The following CUX1 variants were observed in gnomAD, a reference collection of about 807,000 sequenced individuals.
CUX1 encodes protein CASP.
Under a neutral mutation model 158.8 loss-of-function variants are expected in CUX1, and 31 were observed. The observed-to-expected ratio is 0.20, with a 90% CI of 0.15 to 0.26. CUX1 has a LOEUF of 0.26. Ranked by LOEUF, CUX1 falls within the 10% of genes least tolerant of loss-of-function variation. The pLI, the probability that CUX1 is intolerant of heterozygous loss-of-function variation, is 1.00. For missense variants in CUX1, 1,589 were observed against 2,014.6 expected (o/e 0.79, Z 4.04); for synonymous variants, 879 against 862.1 (o/e 1.02, Z -0.34).
At chr7:101,945,526 G>A (rs1179122231) in intron 2 of CUX1, among the ~76,000 whole-genome samples, 2 of 152,196 alleles carry the variant, frequency 1.3e-5, no homozygotes, top group Non-Finnish European at 2.9e-5. Context: ...GCTGGGCACG[G>A]TCCCAGGTGC....
chr7:102,044,126 G>T (rs1220974774), intron 3 of CUX1, among the ~76,000 whole-genome samples: 1 of 152,016 alleles, frequency 6.6e-6, no homozygotes, highest in African/African-American at 2.4e-5. Context: ...TTGGGATTAC[G>T]TGAGCCACTG....
intron 2 of CUX1, among the ~76,000 whole-genome samples, chr7:101,967,494 G>T (rs148513697): frequency 2.0e-5 from 3 of 152,318 alleles, no homozygotes; most frequent in Admixed American, 6.5e-5. Flanking sequence ...AAAGCTTCTT[G>T]TCTGTGTGAT....
At chr7:102,135,571 T>G (rs1298518435) in intron 8 of CUX1, among the ~76,000 whole-genome samples, 4 of 149,234 alleles carry the variant, frequency 2.7e-5, no homozygotes, top group African/African-American at 7.4e-5. Flanking sequence ...GTGTGTGTGT[T>G]TGTGTGTGTG....
At chr7:101,902,102 T>C (rs1328855668) in intron 1 of CUX1, among the ~76,000 whole-genome samples, 1 of 152,194 alleles carries the variant, frequency 6.6e-6, no homozygotes, top group Non-Finnish European at 1.5e-5. Flanking sequence ...CCTCGCCCCC[T>C]GTTTCATGGA....
chr7:101,977,074 G>A (rs1248652058), intron 2 of CUX1, among the ~76,000 whole-genome samples: 7 of 151,486 alleles, frequency 4.6e-5, no homozygotes, highest in East Asian at 1.9e-4. Flanking sequence ...CACCACACCC[G>A]GCTAATTTTT....
At chr7:102,092,934 AAAG>A (rs148567812) in intron 4 of CUX1, among the ~76,000 whole-genome samples, 26,109 of 76,686 alleles carry the variant, frequency 0.34, 3,279 homozygotes, top group African/African-American at 0.49. Context: ...AAAAAAAAAG[AAAG>A]AAAGAAAAGA....
chr7:102,281,144 G>T (rs1792034731), intron 20 of CUX1, among the ~76,000 whole-genome samples: 1 of 152,174 alleles, frequency 6.6e-6, no homozygotes, highest in Admixed American at 6.5e-5. Context: ...TTTGGGAGGT[G>T]GGAGGATTGC....
In CUX1 at chr7:102,253,245, A is replaced by G. The variant is rs1801710178; in HGVS notation, c.*4203A>G. ...CTGGGTTAAATATTCCTTTCTGGCCACCGCCCAAGCCCAGGTGGCCAGCTC... is the reference window on the plus strand; with the variant it reads ...CTGGGTTAAATATTCCTTTCTGGCCGCCGCCCAAGCCCAGGTGGCCAGCTC... On this transcript the variant is annotated 3_prime_UTR_variant, in exon 24 of 24. Coordinates refer to ENST00000292535, the MANE Select transcript of CUX1 (RefSeq NM_181552.4). 25 of 985,454 alleles carry G rather than the reference A, an allele frequency of 2.5e-5. No individual in the cohort carries two copies. Among genetic ancestry groups the G allele is most frequent in the Non-Finnish European group, 3.0e-5 (25 of 829,992 alleles). The allele number at this position is 985,454 out of a possible 1,614,324, so 61.0% of individuals were successfully genotyped here.
At chr7:102,246,570 C>T (rs2132589232) in intron 23 of CUX1, among the ~76,000 whole-genome samples, 1 of 58,118 alleles carries the variant, frequency 1.7e-5, no homozygotes, top group South Asian at 7.0e-4. Context: ...CCCAGAAAAC[C>T]TTTGTTTTTT....
At chr7:101,905,740 GC>G (rs1802679887) in intron 1 of CUX1, among the ~76,000 whole-genome samples, 1 of 152,210 alleles carries the variant, frequency 6.6e-6, no homozygotes, top group Non-Finnish European at 1.5e-5. Flanking sequence ...ATTGCCAGCT[GC>G]CCTGTGTAGA....
chr7:102,114,566 A>G (rs1341237325), intron 7 of CUX1, among the ~76,000 whole-genome samples: 2 of 152,312 alleles, frequency 1.3e-5, no homozygotes, highest in Admixed American at 6.5e-5. Context: ...CCAACCAGAA[A>G]TAATAAAATA....
intron 6 of CUX1, among the ~76,000 whole-genome samples, chr7:102,107,823 GT>G (rs797041122): frequency 7.2e-5 from 11 of 152,294 alleles, no homozygotes; most frequent in African/African-American, 2.4e-4. Flanking sequence ...CTGCTCCATT[GT>G]GGCCACCTGG....
chr7:102,042,386 G>A (rs1822218297), intron 3 of CUX1, among the ~76,000 whole-genome samples: 1 of 152,164 alleles, frequency 6.6e-6, no homozygotes, highest in Non-Finnish European at 1.5e-5. Context: ...TCGGTTCCCT[G>A]AAAGAGCTCT....
chr7:102,139,846 C>T (rs201647061), intron 8 of CUX1, among the ~76,000 whole-genome samples: 7 of 151,312 alleles, frequency 4.6e-5, no homozygotes, highest in Non-Finnish European at 1.0e-4. Context: ...ATTGTAGAGA[C>T]GGGGTCTTGT....
In CUX1 at chr7:102,200,166, A is replaced by G; in HGVS notation, c.2056A>G (p.Lys686Glu). 6.2e-7 allele frequency: 1 copy of G among 1,609,444 alleles called. No homozygotes were observed. Among genetic ancestry groups the G allele is most frequent in the Non-Finnish European group, 8.5e-7 (1 of 1,178,296 alleles). ...EQAKRELQVQ[K>E]TAEPAQPSSA... Reference sequence around the variant, plus strand: ...AGCCAAGAGGGAGCTCCAAGTGCAGAAAACTGGTACAGCTTCCATTTCTTC... The same window carrying G: ...AGCCAAGAGGGAGCTCCAAGTGCAGGAAACTGGTACAGCTTCCATTTCTTC... Residue 686 changes from lysine to glutamate, a missense_variant, in exon 17 of 24, where the codon AAA (lysine) becomes GAA (glutamate). Physicochemically the swap from Lys to Glu is moderately conservative, Grantham distance 56. Around this residue, in one of 8 missense-constraint regions of CUX1, gnomAD observed 337 missense variants for 409.3 expected, o/e 0.82. Coordinates refer to ENST00000292535, the MANE Select transcript of CUX1 (RefSeq NM_181552.4).
chr7:101,897,257 C>A (rs1054554637), intron 1 of CUX1, among the ~76,000 whole-genome samples: 1 of 152,198 alleles, frequency 6.6e-6, no homozygotes. Flanking sequence ...TTGACATCCT[C>A]GAAGGCTCAG....
At chr7:102,064,916 G>T (rs1303798557) in intron 3 of CUX1, among the ~76,000 whole-genome samples, 9 of 152,206 alleles carry the variant, frequency 5.9e-5, no homozygotes, top group Non-Finnish European at 1.3e-4. Flanking sequence ...TTGCAGCATA[G>T]ATAGGTTTTG....
intron 2 of CUX1, among the ~76,000 whole-genome samples, chr7:101,957,771 TAATTTGAAA>T (rs1442868408): frequency 6.6e-6 from 1 of 152,156 alleles, no homozygotes; most frequent in Non-Finnish European, 1.5e-5. Flanking sequence ...TGTTACTTTT[TAATTTGAAA>T]ACAATAAGAA....
chr7:102,185,390 C>A (rs1490340505), intron 11 of CUX1, among the ~76,000 whole-genome samples: 2 of 152,006 alleles, frequency 1.3e-5, no homozygotes, highest in African/African-American at 4.8e-5. Flanking sequence ...GAAGTCAAGT[C>A]TGGGTGGGTA....
Sources: gnomAD v4.1 joint callset for allele counts (sites outside exome capture counted in the v4.1 genomes callset) on GRCh38, gnomAD v4.1.1 for gene constraint, gnomAD v4.1.1 regional missense constraint, MANE v1.5 for transcripts, NCBI Gene and HGNC (gene_info 2026-07-23, HGNC 2026-07-21) for gene names.